The following AXDND1 variants were observed in gnomAD, a reference collection of about 807,000 sequenced individuals.
The protein encoded by AXDND1 is axonemal dynein light chain domain containing 1.
AXDND1 carries 110 observed loss-of-function variants against 137.5 expected under a neutral mutation model. That is an observed-to-expected ratio of 0.80 (90% CI 0.69 to 0.94). The LOEUF (loss-of-function observed/expected upper bound fraction) is 0.94, where lower values mean the gene tolerates loss of function less well. Ranked by LOEUF, AXDND1 falls within the 40% of genes least tolerant of loss-of-function variation. The probability of loss-of-function intolerance (pLI) is 0.00; values close to 1 mark genes in which losing one functional copy is unlikely to be tolerated. For missense variants in AXDND1, 1,191 were observed against 1,169.8 expected, an observed-to-expected ratio of 1.02 and a Z score of -0.26; for synonymous variants, 414 against 399.7, an observed-to-expected ratio of 1.04 and a Z score of -0.43.
Position 179,383,510 on chromosome 1 carries a change from G to T in AXDND1, c.707G>T (p.Gly236Val), listed in dbSNP as rs1255308238. 2 of 1,613,988 alleles carry T rather than the reference G, an allele frequency of 1.2e-6. No homozygotes were observed. Among genetic ancestry groups the T allele is most frequent in the South Asian group, 2.2e-5 (2 of 91,066 alleles). Reference sequence around the variant, plus strand: ...ATGGATACTATGCTAGAGAGGGCTGGTGTGGAAAATCAGGAATATACAGGA... The same window carrying T: ...ATGGATACTATGCTAGAGAGGGCTGTTGTGGAAAATCAGGAATATACAGGA... ...DVMDTMLERA[G>V]VENQEYTGPT... Residue 236 changes from glycine (G) to valine (V), a missense_variant, in exon 8 of 26, where the codon GGT (glycine) becomes GTT (valine). Physicochemically the swap from Gly to Val is moderately radical, Grantham distance 109 (BLOSUM62 -3). Coordinates refer to ENST00000367618, the MANE Select transcript of AXDND1 (RefSeq NM_144696.6).
intron 25 of AXDND1, chr1:179,543,469 C>G (rs1354927778): frequency 6.6e-6 from 1 of 152,156 alleles, no homozygotes; most frequent in Non-Finnish European, 1.5e-5. Flanking sequence ...AGCAGCGTCA[C>G]GGGGCTGTTT....
chr1:179,369,072 C>A, intron 3 of AXDND1, 100 bp downstream of exon 3: 1 of 1,232,684 alleles, frequency 8.1e-7, no homozygotes, highest in Non-Finnish European at 1.1e-6. Context: ...TTCCAGATAG[C>A]CTTAAAAATT....
At chr1:179,416,481 G>A (rs1362648906) in intron 12 of AXDND1, among the ~76,000 whole-genome samples, 3 of 152,062 alleles carry the variant, frequency 2.0e-5, no homozygotes, top group African/African-American at 7.2e-5. Flanking sequence ...TTAGTTTTTT[G>A]AGGAACCTCC....
At chr1:179,490,776 T>TA (rs1553293377) in intron 18 of AXDND1, among the ~76,000 whole-genome samples, 6 of 151,868 alleles carry the variant, frequency 4.0e-5, no homozygotes, top group East Asian at 3.9e-4. Context: ...TTTTTTTTTT[T>TA]ATCACACAAC....
At chr1:179,515,306 G>T (rs1669432810) in intron 21 of AXDND1, among the ~76,000 whole-genome samples, 3 of 152,074 alleles carry the variant, frequency 2.0e-5, no homozygotes, top group Non-Finnish European at 4.4e-5. Flanking sequence ...GTCTGGAAAA[G>T]ACTATATCTT....
intron 25 of AXDND1, among the ~76,000 whole-genome samples, chr1:179,538,362 A>G (rs537906117): frequency 6.6e-6 from 1 of 152,300 alleles, no homozygotes; most frequent in East Asian, 1.9e-4. Context: ...CACTGCTTTA[A>G]ATGTGTCCCA....
chr1:179,385,932 G>T (rs1244248775), intron 9 of AXDND1, among the ~76,000 whole-genome samples: 1 of 152,004 alleles, frequency 6.6e-6, no homozygotes, highest in Admixed American at 6.6e-5. Context: ...GTACTTTAAA[G>T]ATGTTGTTGC....
At chr1:179,431,178 G>C (rs912615141) in intron 14 of AXDND1, among the ~76,000 whole-genome samples, 1 of 151,970 alleles carries the variant, frequency 6.6e-6, no homozygotes, top group Non-Finnish European at 1.5e-5. Flanking sequence ...GTCTTATTCT[G>C]TCACCCAAGC....
rs1330381819 is a variant in AXDND1, at chr1:179,445,217, T to G, written c.1798+13T>G. ...AATGGGGACAATGGTAAGAAAATAC[T>G]CATAATAATTAGATTTCTTGGTATA... is the stretch of plus-strand genomic sequence containing the variant. On this transcript the variant is annotated intron_variant, in intron 16 of 25. Coordinates refer to ENST00000367618, the MANE Select transcript of AXDND1 (RefSeq NM_144696.6). The G allele has an allele frequency of 7.0e-7, 1 of 1,420,304 alleles. No homozygotes were observed. Among genetic ancestry groups the G allele is most frequent in the Non-Finnish European group, 9.6e-7 (1 of 1,043,534 alleles). The allele number at this position is 1,420,304 out of a possible 1,614,324, so 88.0% of individuals were successfully genotyped here.
chr1:179,429,668 G>A, intron 13 of AXDND1, 49 bp downstream of exon 13: 1 of 1,157,484 alleles, frequency 8.6e-7, no homozygotes, highest in Non-Finnish European at 1.2e-6. Context: ...GCCAAGTGGT[G>A]AGGGTTGAGA....
intron 4 of AXDND1, among the ~76,000 whole-genome samples, chr1:179,375,818 G>A (rs2125064479): frequency 6.6e-6 from 1 of 152,254 alleles, no homozygotes; most frequent in South Asian, 2.1e-4. Flanking sequence ...GGGAAATACA[G>A]CTCTAACATT....
Position 179,389,086 on chromosome 1 carries a change from G to A in AXDND1, c.863+3727G>A, listed in dbSNP as rs7547851. On this transcript the variant is annotated intron_variant, in intron 9 of 25. Transcript: ENST00000367618. The stretch of plus-strand genomic sequence containing the variant: ...ACCTCCGCATTCAAGTGATTCTCCC[G>A]CCTCAGCCTCCTGAGTAGCTGGGAT... Among the ~76,000 whole-genome samples, 455 of 137,866 alleles carry A rather than the reference G, an allele frequency of 3.3e-3. 3 individuals carry two copies. Among genetic ancestry groups the A allele is most frequent in the African/African-American group, 0.011 (419 of 36,882 alleles). 90.4% of individuals were successfully genotyped at this position (137,866 alleles called of 152,430 possible). A position where few individuals can be genotyped will look rare whatever the true frequency, so the allele number is the denominator to read the frequency against.
intron 17 of AXDND1, among the ~76,000 whole-genome samples, chr1:179,478,977 G>A (rs965887453): frequency 9.2e-5 from 14 of 152,046 alleles, no homozygotes; most frequent in Non-Finnish European, 1.5e-4. Context: ...GCACATGCCT[G>A]TAGTCCCAGC....
chr1:179,409,778 A>T (rs1653569933), intron 11 of AXDND1, among the ~76,000 whole-genome samples: 1 of 152,132 alleles, frequency 6.6e-6, no homozygotes, highest in Non-Finnish European at 1.5e-5. Context: ...GTGCCATTGC[A>T]CTCCAGCCTG....
At chr1:179,439,391 A>C (rs1001199369) in intron 15 of AXDND1, among the ~76,000 whole-genome samples, 8 of 152,208 alleles carry the variant, frequency 5.3e-5, no homozygotes, top group African/African-American at 1.9e-4. Flanking sequence ...ACACAAAGGA[A>C]GTCCTTCCAG....
intron 20 of AXDND1, among the ~76,000 whole-genome samples, chr1:179,507,536 G>C (rs1668649946): frequency 6.6e-6 from 1 of 152,188 alleles, no homozygotes; most frequent in Non-Finnish European, 1.5e-5. Context: ...GGGCAGTGGT[G>C]TGATAGAAAC....
chr1:179,392,152 G>C (rs11805235), intron 9 of AXDND1, among the ~76,000 whole-genome samples: 44,339 of 152,016 alleles, frequency 0.29, 6,665 homozygotes, highest in Non-Finnish European at 0.31. Flanking sequence ...TCAGACCCCA[G>C]AGTCCATTAT....
intron 9 of AXDND1, among the ~76,000 whole-genome samples, chr1:179,388,464 CAT>C (rs773905144): frequency 5.9e-5 from 9 of 152,132 alleles, no homozygotes; most frequent in Non-Finnish European, 1.2e-4. Flanking sequence ...ATCTCTTTTT[CAT>C]AGTTTCCCTC....
intron 16 of AXDND1, among the ~76,000 whole-genome samples, chr1:179,462,563 A>G (rs894105266): frequency 3.3e-5 from 5 of 152,164 alleles, no homozygotes; most frequent in African/African-American, 1.2e-4. Context: ...GGCCTCATAA[A>G]ATGAGTTAGG....
Sources: allele counts gnomAD v4.1 joint callset (sites outside exome capture counted in the v4.1 genomes callset), GRCh38; gene constraint gnomAD v4.1.1; transcripts MANE v1.5; gene names NCBI Gene and HGNC (gene_info 2026-07-23, HGNC 2026-07-21).